Variants in SPECC1 observed in about 807,000 individuals in gnomAD.
SPECC1 encodes the protein cytospin-B.
Under a neutral mutation model 104.1 loss-of-function variants are expected in SPECC1, and 62 were observed. That is an observed-to-expected ratio of 0.60 (90% CI 0.49 to 0.74). The LOEUF is 0.74. Among genes scored for constraint, SPECC1 ranks in the 30% least tolerant of loss-of-function variants. The pLI, the probability that SPECC1 is intolerant of heterozygous loss-of-function variation, is 0.00. For missense variants in SPECC1, 1,306 were observed against 1,310.5 expected (o/e 1.00, Z 0.05); for synonymous variants, 513 against 501.6 (o/e 1.02, Z -0.30).
At chr17:20,277,963 G>A (rs1287738159) in intron 12 of SPECC1, among the ~76,000 whole-genome samples, 1 of 152,154 alleles carries the variant, frequency 6.6e-6, no homozygotes, top group Non-Finnish European at 1.5e-5. Context: ...ACCCCATCCT[G>A]GGTCAGGAGT....
Position 20,299,018 on chromosome 17 carries a change from T to G in SPECC1, c.3057+1941T>G, listed in dbSNP as rs954897528. 3.6e-5 allele frequency among the ~76,000 whole-genome samples: 5 copies of G among 138,032 alleles called. No homozygotes were observed. The Admixed American group carries it at 3.7e-4, about 10-fold the overall frequency. The allele number at this position is 138,032 out of a possible 152,430, so 90.6% of individuals were successfully genotyped here. On this transcript the variant is annotated intron_variant, in intron 13 of 14. Coordinates refer to ENST00000395527, the MANE Select transcript of SPECC1 (RefSeq NM_001243439.2). ...AGAGGTGGGGGCTGGGGAGAGAGAT[T>G]TATTCTAAGGAACTAGCTCGAGATT...
chr17:20,024,596 T>C (rs1175646316), intron 1 of SPECC1, among the ~76,000 whole-genome samples: 1 of 152,236 alleles, frequency 6.6e-6, no homozygotes, highest in Non-Finnish European at 1.5e-5. Context: ...TTTTGCAGTG[T>C]TCCTTGTCAC....
At chr17:20,299,970 C>CG (rs2041513924) in intron 13 of SPECC1, among the ~76,000 whole-genome samples, 2 of 152,204 alleles carry the variant, frequency 1.3e-5, no homozygotes, top group Non-Finnish European at 2.9e-5. Context: ...GCACTGCCCA[C>CG]AGGGCAACCA....
At chr17:20,184,246 C>T (rs1419776835) in intron 3 of SPECC1, among the ~76,000 whole-genome samples, 1 of 148,738 alleles carries the variant, frequency 6.7e-6, no homozygotes, top group African/African-American at 2.5e-5. Flanking sequence ...CAAGTGAGAG[C>T]TATTTCCTGA....
intron 3 of SPECC1, among the ~76,000 whole-genome samples, chr17:20,115,775 G>A (rs999061022): frequency 6.6e-6 from 1 of 152,146 alleles, no homozygotes; most frequent in Non-Finnish European, 1.5e-5. Context: ...CTTTAATGAT[G>A]TGTATGTGTC....
chr17:20,140,212 A>ATT (rs1176383331), intron 3 of SPECC1, among the ~76,000 whole-genome samples: 2 of 152,176 alleles, frequency 1.3e-5, no homozygotes, highest in African/African-American at 4.8e-5. Flanking sequence ...ATAACTGCAC[A>ATT]TTTGTTCACT....
At chr17:20,245,497 A>G (rs999187436) in intron 7 of SPECC1, among the ~76,000 whole-genome samples, 11 of 152,174 alleles carry the variant, frequency 7.2e-5, no homozygotes, top group South Asian at 4.2e-4. Context: ...GAGCTGTGAG[A>G]TTTCATCTTT....
intron 3 of SPECC1, among the ~76,000 whole-genome samples, chr17:20,159,477 A>G (rs1328489547): frequency 6.6e-6 from 1 of 152,206 alleles, no homozygotes; most frequent in Non-Finnish European, 1.5e-5. Flanking sequence ...TAAAATCCCC[A>G]TCTGAGACCC....
chr17:20,225,821 G>T (rs2038168248), intron 4 of SPECC1, among the ~76,000 whole-genome samples: 1 of 152,192 alleles, frequency 6.6e-6, no homozygotes, highest in Non-Finnish European at 1.5e-5. Context: ...ATTGCTGGAG[G>T]ATCCTTTTTG....
chr17:20,227,342 C>T, intron 4 of SPECC1, 71 bp from the exon 5 acceptor site: 5 of 1,351,378 alleles, frequency 3.7e-6, no homozygotes, highest in Non-Finnish European at 5.1e-6. Flanking sequence ...GGGGCTTGGC[C>T]TTCTAGTGTA....
At chr17:20,197,604 C>T (rs2036123309) in intron 3 of SPECC1, among the ~76,000 whole-genome samples, 1 of 152,162 alleles carries the variant, frequency 6.6e-6, no homozygotes, top group Non-Finnish European at 1.5e-5. Context: ...ATGACATGAA[C>T]CCTAAAATTC....
chr17:20,013,847 C>G (rs756298080), intron 1 of SPECC1, among the ~76,000 whole-genome samples: 4 of 152,070 alleles, frequency 2.6e-5, no homozygotes, highest in African/African-American at 4.8e-5. Flanking sequence ...TTGTATATAT[C>G]CCTAATATAG....
At chr17:20,031,538 A>G (rs1407170803) in intron 1 of SPECC1, among the ~76,000 whole-genome samples, 1 of 152,078 alleles carries the variant, frequency 6.6e-6, no homozygotes, top group Non-Finnish European at 1.5e-5. Flanking sequence ...ATCATTTTTA[A>G]GTATACTGTT....
chr17:20,230,083 T>C (rs1323974655), intron 5 of SPECC1, among the ~76,000 whole-genome samples: 1 of 151,978 alleles, frequency 6.6e-6, no homozygotes, highest in African/African-American at 2.4e-5. Context: ...AGAGTGGGTT[T>C]CCATGGTTGA....
chr17:20,018,249 T>A (rs564256344), intron 1 of SPECC1: 1 of 152,336 alleles, frequency 6.6e-6, no homozygotes, highest in African/African-American at 2.4e-5. Context: ...TGGTTCTGAG[T>A]ACTTTTTACT....
At chr17:20,247,105 A>G (rs1243128185) in intron 8 of SPECC1, 114 bp from the exon 9 acceptor site, 3 of 704,852 alleles carry the variant, frequency 4.3e-6, no homozygotes, top group Non-Finnish European at 4.7e-6. Context: ...TAAATATTAC[A>G]CTAAACACGG....
chr17:20,166,817 A>T (rs1327756178), intron 3 of SPECC1, among the ~76,000 whole-genome samples: 1 of 151,990 alleles, frequency 6.6e-6, no homozygotes, highest in African/African-American at 2.4e-5. Context: ...TGAGAAGACA[A>T]CCCCAAAAAT....
intron 12 of SPECC1, among the ~76,000 whole-genome samples, chr17:20,289,941 G>A (rs1356923669): frequency 3.3e-5 from 5 of 152,210 alleles, no homozygotes; most frequent in Non-Finnish European, 7.3e-5. Flanking sequence ...GAGAAGAAGA[G>A]TGTTTCCTGA....
Position 20,202,577 on chromosome 17 carries a change from A to G in SPECC1, c.284-1756A>G, listed in dbSNP as rs116803436. 2.1e-3 allele frequency among the ~76,000 whole-genome samples: 327 copies of G among 152,304 alleles called. 1 individual carries two copies. Among genetic ancestry groups the G allele is most frequent in the African/African-American group, 6.4e-3 (266 of 41,558 alleles). ...TTGATAAATACAGTATGGTACTGCA[A>G]ATGTATTTCCTCTTCCTTATGGTTT... is the stretch of plus-strand genomic sequence containing the variant. On this transcript the variant is annotated intron_variant, in intron 3 of 14. Transcript: ENST00000395527.
Sources: allele counts gnomAD v4.1 joint callset (sites outside exome capture counted in the v4.1 genomes callset), GRCh38; gene constraint gnomAD v4.1.1; transcripts MANE v1.5; gene names NCBI Gene and HGNC (gene_info 2026-07-23, HGNC 2026-07-21).